TSHZ2: variants seen among roughly 807,000 people sequenced by gnomAD.
TSHZ2 encodes teashirt zinc finger homeobox 2, also known as teashirt homolog 2.
TSHZ2 carries 21 observed loss-of-function variants against 74.4 expected under a neutral mutation model. The observed-to-expected ratio is 0.28, with a 90% confidence interval of 0.20 to 0.41. TSHZ2 has a LOEUF of 0.41. Ranked by LOEUF, TSHZ2 falls within the 10% of genes least tolerant of loss-of-function variation. The probability of loss-of-function intolerance (pLI) is 1.00; values close to 1 mark genes in which losing one functional copy is unlikely to be tolerated. For missense variants in TSHZ2, 1,244 were observed against 1,293.5 expected (o/e 0.96, Z 0.59); for synonymous variants, 540 against 515.3 (o/e 1.05, Z -0.65).
chr20:53,132,516 T>G (rs1027033648), intron 1 of TSHZ2, among the ~76,000 whole-genome samples: 9 of 152,032 alleles, frequency 5.9e-5, no homozygotes, highest in East Asian at 5.8e-4. Context: ...CTGACCTCAG[T>G]TGATCTGCCT....
At chr20:53,356,662 A>C (rs376852067) in intron 2 of TSHZ2, among the ~76,000 whole-genome samples, 1 of 152,140 alleles carries the variant, frequency 6.6e-6, no homozygotes, top group Non-Finnish European at 1.5e-5. Context: ...TTAACATCCT[A>C]TGTCTTATGC....
chr20:52,986,477 C>T (rs1448832606), intron 1 of TSHZ2, among the ~76,000 whole-genome samples: 1 of 150,716 alleles, frequency 6.6e-6, no homozygotes, highest in African/African-American at 2.4e-5. Context: ...CGCCTGTAAT[C>T]CTAGCACTAT....
chr20:53,444,214 T>G (rs1182127648), intron 2 of TSHZ2, among the ~76,000 whole-genome samples: 2 of 152,324 alleles, frequency 1.3e-5, no homozygotes, highest in East Asian at 1.9e-4. Flanking sequence ...TGAGCTCTGT[T>G]TGCTGATTAG....
chr20:53,377,804 C>T (rs995189041), intron 2 of TSHZ2, among the ~76,000 whole-genome samples: 1 of 152,044 alleles, frequency 6.6e-6, no homozygotes. Flanking sequence ...TCGAGGCTGC[C>T]GTGAGCCATG....
intron 2 of TSHZ2, among the ~76,000 whole-genome samples, chr20:53,275,720 G>A (rs1403464575): frequency 6.6e-6 from 1 of 152,166 alleles, no homozygotes; most frequent in Non-Finnish European, 1.5e-5. Flanking sequence ...CTGAGGTCGG[G>A]AGTTCAAGAC....
chr20:53,022,098 G>C (rs1461472530), intron 1 of TSHZ2, among the ~76,000 whole-genome samples: 1 of 152,158 alleles, frequency 6.6e-6, no homozygotes, highest in Non-Finnish European at 1.5e-5. Context: ...TACTCTAAGT[G>C]ACTGCAAAAT....
chr20:53,204,572 T>C (rs967792112), intron 1 of TSHZ2, among the ~76,000 whole-genome samples: 2 of 152,092 alleles, frequency 1.3e-5, no homozygotes, highest in African/African-American at 4.8e-5. Flanking sequence ...TCTACTTCTA[T>C]TGGGCAGCGC....
intron 2 of TSHZ2, among the ~76,000 whole-genome samples, chr20:53,353,008 G>A (rs1433112164): frequency 6.6e-6 from 1 of 152,036 alleles, no homozygotes; most frequent in African/African-American, 2.4e-5. Flanking sequence ...GATTTCCCAA[G>A]TTCCTTTTTT....
rs988729998 is a variant in TSHZ2 at position 53,048,927 on chromosome 20, A to G, written c.40+75594A>G. Among the ~76,000 whole-genome samples the G allele has an allele frequency of 3.3e-5, 5 of 152,200 alleles. No homozygotes were observed. The South Asian group carries it at 1.0e-3, about 32-fold the overall frequency. ...TTAAAATAAAAATAAAATAGGTCAG[A>G]GATTCACCCAGCTGGCCAGTAAACC... On this transcript the variant is annotated intron_variant, in intron 1 of 2. Transcript: ENST00000371497.
intron 2 of TSHZ2, among the ~76,000 whole-genome samples, chr20:53,268,564 T>C (rs1296758688): frequency 6.6e-6 from 1 of 152,242 alleles, no homozygotes; most frequent in Non-Finnish European, 1.5e-5. Flanking sequence ...TTGCTTTGCC[T>C]CTTCTTTCCC....
chr20:53,451,100 C>T (rs1984763569), intron 2 of TSHZ2, among the ~76,000 whole-genome samples: 1 of 152,128 alleles, frequency 6.6e-6, no homozygotes, highest in Non-Finnish European at 1.5e-5. Context: ...GTTGATGTTG[C>T]TCATGAAAAT....
At chr20:53,438,029 T>C (rs533293438) in intron 2 of TSHZ2, among the ~76,000 whole-genome samples, 2 of 152,086 alleles carry the variant, frequency 1.3e-5, no homozygotes, top group South Asian at 2.1e-4. Context: ...TATCCCCTTA[T>C]AGCAACGCAA....
chr20:53,222,556 C>T (rs374797210), intron 1 of TSHZ2, among the ~76,000 whole-genome samples: 22 of 152,324 alleles, frequency 1.4e-4, no homozygotes, highest in Admixed American at 2.6e-4. Flanking sequence ...TGCAAAAATG[C>T]GTTCAGGTTA....
At chr20:53,441,792 G>C (rs141983487) in intron 2 of TSHZ2, among the ~76,000 whole-genome samples, 1,525 of 151,584 alleles carry the variant, frequency 0.01, 8 homozygotes, top group Non-Finnish European at 0.014. Context: ...ATGTTGGCCA[G>C]GCTAGTCTTG....
chr20:53,063,975 A>G (rs918707500), intron 1 of TSHZ2, among the ~76,000 whole-genome samples: 10 of 152,204 alleles, frequency 6.6e-5, no homozygotes, highest in African/African-American at 2.2e-4. Context: ...GCCTCAAGTT[A>G]TATTTCTTAA....
intron 1 of TSHZ2, among the ~76,000 whole-genome samples, chr20:53,251,153 T>A (rs1416349735): frequency 1.3e-5 from 2 of 152,210 alleles, no homozygotes; most frequent in African/African-American, 4.8e-5. Flanking sequence ...TCTTTGTTGC[T>A]GTGATTACGT....
chr20:53,223,764 G>C (rs1169437684), intron 1 of TSHZ2, among the ~76,000 whole-genome samples: 2 of 152,042 alleles, frequency 1.3e-5, no homozygotes, highest in African/African-American at 4.8e-5. Flanking sequence ...GTTACCTAAG[G>C]GAAAGAAAGG....
intron 1 of TSHZ2, among the ~76,000 whole-genome samples, chr20:53,154,505 C>T (rs1013537731): frequency 6.6e-6 from 1 of 152,076 alleles, no homozygotes; most frequent in African/African-American, 2.4e-5. Flanking sequence ...CCTCTCTTGC[C>T]CAGTTGAAGG....
intron 1 of TSHZ2, among the ~76,000 whole-genome samples, chr20:53,128,761 A>T (rs1338287462): frequency 2.0e-5 from 3 of 152,028 alleles, no homozygotes; most frequent in Non-Finnish European, 2.9e-5. Context: ...AGCTGGGACT[A>T]CAGGTGCACG....
Sources: allele counts gnomAD v4.1 joint callset (sites outside exome capture counted in the v4.1 genomes callset), GRCh38; gene constraint gnomAD v4.1.1; transcripts MANE v1.5; gene names NCBI Gene and HGNC (gene_info 2026-07-23, HGNC 2026-07-21).